The following HERC6 variants were observed in gnomAD, a reference collection of about 807,000 sequenced individuals.
HERC6 encodes probable E3 ubiquitin-protein ligase HERC6.
HERC6 carries 101 observed loss-of-function variants against 114.5 expected under a neutral mutation model. The observed-to-expected ratio is 0.88, with a 90% confidence interval of 0.75 to 1.04. The LOEUF (loss-of-function observed/expected upper bound fraction) is 1.04. HERC6 is among the 50% of genes least tolerant of loss of function. The pLI, the probability that HERC6 is intolerant of heterozygous loss-of-function variation, is 0.00. For missense variants in HERC6, 1,133 were observed against 1,230.9 expected (o/e 0.92, Z 1.19); for synonymous variants, 408 against 436.2 (o/e 0.94, Z 0.81).
rs867586585 is a variant in HERC6 at position 88,417,266 on chromosome 4, T to G, written c.1559-159T>G. The stretch of plus-strand genomic sequence containing the variant: ...AAAAAATTTCCACATCTGTGAGCAG[T>G]AACTGTTGTGCAGGATATACTTAAA... On this transcript the variant is annotated intron_variant, in intron 12 of 22. Coordinates refer to ENST00000264346, the MANE Select transcript of HERC6 (RefSeq NM_017912.4). Among the ~76,000 whole-genome samples, 8 of 152,360 alleles carry G rather than the reference T, an allele frequency of 5.3e-5. No individual in the cohort carries two copies. The South Asian group carries it at 1.2e-3, about 24-fold the overall frequency.
At chr4:88,385,458 C>G (rs1410689738) in intron 2 of HERC6, 41 bp from the exon 3 acceptor site, 4 of 982,422 alleles carry the variant, frequency 4.1e-6, no homozygotes, top group South Asian at 1.5e-5. Flanking sequence ...ACAACTCGCT[C>G]TAAATAAGGA....
chr4:88,405,071 G>A lies in HERC6; in HGVS notation c.1214+74G>A. 4 of 1,543,066 alleles carry A rather than the reference G, an allele frequency of 2.6e-6. No homozygotes were observed. The South Asian group carries it at 5.0e-5, about 19-fold the overall frequency. The stretch of plus-strand genomic sequence containing the variant: ...TTTGGTCATTTTATCCTAAGATAGA[G>A]GTTTTGGTTTTGTTGTGAAGGTATT... On this transcript the variant is annotated intron_variant, in intron 9 of 22. Coordinates refer to ENST00000264346, the MANE Select transcript of HERC6 (RefSeq NM_017912.4).
chr4:88,435,606 T>C (rs756540974), intron 17 of HERC6, 119 bp from the exon 18 acceptor site: 13 of 548,472 alleles, frequency 2.4e-5, no homozygotes, highest in Non-Finnish European at 3.1e-5. Context: ...CGGAAGCCCA[T>C]TTTGTTTTTA....
Position 88,379,066 on chromosome 4 carries a change from G to T in HERC6, c.145G>T (p.Asp49Tyr). 1 of 1,553,650 alleles carries T rather than the reference G, an allele frequency of 6.4e-7. No individual in the cohort carries two copies. Residue 49 changes from aspartate (D) to tyrosine (Y), a missense_variant, in exon 1 of 23, where the codon GAC becomes TAC. Asp to Tyr is a radical substitution (Grantham distance 160). Coordinates refer to ENST00000264346, the MANE Select transcript of HERC6 (RefSeq NM_017912.4). Reference sequence around the variant, plus strand: ...CAACCACAGGGTCCTCTCGTGCGGAGACAACAGCAGGGGTCAGCTGGGCCG... The same window carrying T: ...CAACCACAGGGTCCTCTCGTGCGGATACAACAGCAGGGGTCAGCTGGGCCG... ...LTNHRVLSCGDNSRGQLGRRG... is the reference protein window; with the variant it reads ...LTNHRVLSCGYNSRGQLGRRG...
chr4:88,394,369 A>G (rs1448688905), intron 5 of HERC6, among the ~76,000 whole-genome samples: 2 of 146,410 alleles, frequency 1.4e-5, no homozygotes, highest in Non-Finnish European at 3.0e-5. Flanking sequence ...GCTACTTGGG[A>G]GGCTGAGGCA....
chr4:88,405,433 G>C (rs1578386928), intron 9 of HERC6, 121 bp from the exon 10 acceptor site: 1 of 513,352 alleles, frequency 1.9e-6, no homozygotes, highest in East Asian at 3.2e-5. Context: ...ACTCTTAAGA[G>C]AGTAGTTATT....
chr4:88,393,534 T>A lies in HERC6; in HGVS notation c.711T>A (p.Gly237=), dbSNP rs1377413596. ...CAGTCGGTGCACTGAAGAATCTAGG[T>A]GTGGTTTATATCAGCTGTGGTGATG... ...PLSVGALKNL[G]VVYISCGDAH... The change falls in exon 5 of 23, where the codon GGT becomes GGA. Residue 237 remains glycine (G), a synonymous_variant. Coordinates refer to ENST00000264346, the MANE Select transcript of HERC6 (RefSeq NM_017912.4). 1.2e-6 allele frequency: 2 copies of A among 1,612,798 alleles called. No homozygotes were observed. Among genetic ancestry groups the A allele is most frequent in the South Asian group, 2.2e-5 (2 of 90,846 alleles).
chr4:88,399,980 G>A (rs1735449378), intron 8 of HERC6, among the ~76,000 whole-genome samples: 2 of 152,278 alleles, frequency 1.3e-5, no homozygotes, highest in African/African-American at 4.8e-5. Flanking sequence ...AAGCCTGTGA[G>A]GCAAGAATGA....
At chr4:88,394,102 C>A (rs1735071891) in intron 5 of HERC6, among the ~76,000 whole-genome samples, 1 of 152,056 alleles carries the variant, frequency 6.6e-6, no homozygotes, top group Admixed American at 6.6e-5. Context: ...AGATGTGAAC[C>A]AAACATAAAT....
At chr4:88,436,507 G>A (rs1738762403) in intron 18 of HERC6, among the ~76,000 whole-genome samples, 1 of 152,156 alleles carries the variant, frequency 6.6e-6, no homozygotes, top group African/African-American at 2.4e-5. Flanking sequence ...AGACTGTCCT[G>A]GGCATTGTGG....
rs777432058 is a variant in HERC6 at position 88,378,964 on chromosome 4, C to G, written c.43C>G (p.Arg15Gly). 3.1e-5 allele frequency: 49 copies of G among 1,591,546 alleles called. No homozygotes were observed. The highest frequency in any genetic ancestry group is 1.7e-4 in the Middle Eastern group (1 of 6,060). ...WGADSRELQR[R>G]RTAGSPGAEL... ...CGCCGACTCCAGGGAGCTGCAGCGC[C>G]GGAGGACGGCGGGCAGCCCCGGGGC... The change falls in exon 1 of 23, where the codon CGG becomes GGG. Residue 15 changes from arginine (R) to glycine (G), a missense_variant. Physicochemically the swap from Arg to Gly is moderately radical, Grantham distance 125. Around this residue, in one of 3 missense-constraint regions of HERC6, gnomAD observed 735 missense variants for 754.0 expected, o/e 0.97. Coordinates refer to ENST00000264346, the MANE Select transcript of HERC6 (RefSeq NM_017912.4).
In HERC6 at chr4:88,379,024, T is replaced by G. The variant is rs1368569153; in HGVS notation, c.103T>G (p.Ser35Ala). The change falls in exon 1 of 23, where the codon TCT (serine) becomes GCT (alanine). Residue 35 changes from serine (S) to alanine (A), a missense_variant. This residue lies in a region of HERC6 where 735 missense variants were observed against 754.0 expected (regional missense o/e 0.97). Transcript: ENST00000264346. ...LLQAASGERH[S>A]LLLLTNHRVL... ...GCAGGCGGCCAGCGGGGAGCGCCAC[T>G]CTCTGCTGCTGCTGACCAACCACAG... 4.5e-6 allele frequency: 7 copies of G among 1,567,510 alleles called. No individual in the cohort carries two copies. The highest frequency in any genetic ancestry group is 5.2e-6 in the Non-Finnish European group (6 of 1,157,916).
In HERC6 at chr4:88,393,086, T is replaced by G. The variant is rs577683714; in HGVS notation, c.665-402T>G. Among the ~76,000 whole-genome samples, 23 of 152,258 alleles carry G rather than the reference T, an allele frequency of 1.5e-4. No individual in the cohort carries two copies. The East Asian group carries it at 4.4e-3, about 29-fold the overall frequency. On this transcript the variant is annotated intron_variant, in intron 4 of 22. Transcript: ENST00000264346. ...AAATGAATACAACAGATGGCAGTAG[T>G]ATCAGGCATGAGGGTCTTGAAGCTT...
At chr4:88,427,892 T>A (rs1053436679) in intron 15 of HERC6, among the ~76,000 whole-genome samples, 2 of 152,214 alleles carry the variant, frequency 1.3e-5, no homozygotes, top group Admixed American at 6.5e-5. Flanking sequence ...AGATTTCTAA[T>A]CTAAAGAAGT....
In HERC6 at chr4:88,379,015, G is replaced by C; in HGVS notation, c.94G>C (p.Glu32Gln). The change falls in exon 1 of 23, where the codon GAG (glutamate) becomes CAG (glutamine). Residue 32 changes from glutamate (E) to glutamine (Q), a missense_variant. Glu to Gln is a conservative substitution (Grantham distance 29). This residue lies in a region of HERC6 where 735 missense variants were observed against 754.0 expected (regional missense o/e 0.97). Transcript: ENST00000264346. ...GAELLQAASG[E>Q]RHSLLLLTNH... is the part of the protein sequence containing the mutation. ...TGAGCTACTGCAGGCGGCCAGCGGGGAGCGCCACTCTCTGCTGCTGCTGAC... is the reference window on the plus strand; with the variant it reads ...TGAGCTACTGCAGGCGGCCAGCGGGCAGCGCCACTCTCTGCTGCTGCTGAC... The C allele has an allele frequency of 6.4e-7, 1 of 1,571,066 alleles. No individual in the cohort carries two copies. The highest frequency in any genetic ancestry group is 8.6e-7 in the Non-Finnish European group (1 of 1,159,918).
chr4:88,428,647 C>T lies in HERC6; in HGVS notation c.2003C>T (p.Pro668Leu), dbSNP rs1339959440. 5 of 1,607,956 alleles carry T rather than the reference C, an allele frequency of 3.1e-6. No individual in the cohort carries two copies. In the Admixed American group the frequency reaches 6.8e-5, roughly 22 times the overall value. Residue 668 changes from proline to leucine, a missense_variant, in exon 16 of 23, where the codon CCA becomes CTA. Around this residue, in one of 3 missense-constraint regions of HERC6, gnomAD observed 388 missense variants for 445.9 expected, o/e 0.87. Transcript: ENST00000264346. ...TILQKKDEFP[P>L]SPRFILRVRR... ...CTGCAAAAAAAGGATGAATTTCCTC[C>T]ATCACCCAGATTTATACTTAGAGTC... is the stretch of plus-strand genomic sequence containing the variant.
rs529167456 is a variant in HERC6 at position 88,404,663 on chromosome 4, T to C, written c.1093-213T>C. On this transcript the variant is annotated intron_variant, in intron 8 of 22. Coordinates refer to ENST00000264346, the MANE Select transcript of HERC6 (RefSeq NM_017912.4). Reference sequence around the variant, plus strand: ...CCCTGCATTCACTTTTTTTTTTCTTTTTTAATGATGAAACTAAGGCTCAGA... The same window carrying C: ...CCCTGCATTCACTTTTTTTTTTCTTCTTTAATGATGAAACTAAGGCTCAGA... Among the ~76,000 whole-genome samples the C allele has an allele frequency of 2.3e-4, 35 of 152,282 alleles. No homozygotes were observed. In the East Asian group the frequency reaches 5.8e-3, roughly 25 times the overall value.
At chr4:88,396,732 C>G (rs931687783) in intron 6 of HERC6, 119 bp from the exon 7 acceptor site, 4 of 850,430 alleles carry the variant, frequency 4.7e-6, no homozygotes, top group Non-Finnish European at 5.1e-6. Context: ...AAGGGAGCTG[C>G]GTACTTAGTA....
At chr4:88,398,822 T>C (rs1286155253) in intron 8 of HERC6, 1 of 152,236 alleles carries the variant, frequency 6.6e-6, no homozygotes, top group Non-Finnish European at 1.5e-5. Context: ...GTTCTTCAAA[T>C]GGATCAAGAT....
Sources: allele counts gnomAD v4.1 joint callset (sites outside exome capture counted in the v4.1 genomes callset), GRCh38; gene constraint gnomAD v4.1.1; regional missense constraint gnomAD v4.1.1; transcripts MANE v1.5; gene names NCBI Gene and HGNC (gene_info 2026-07-23, HGNC 2026-07-21).